The following MED4 variants were observed in gnomAD, a reference collection of about 807,000 sequenced individuals.
MED4 encodes the protein mediator of RNA polymerase II transcription subunit 4.
Under a neutral mutation model 35.0 loss-of-function variants are expected in MED4, and 21 were observed. The observed-to-expected ratio is 0.60, with a 90% CI of 0.43 to 0.86. The LOEUF (loss-of-function observed/expected upper bound fraction) is 0.86, where lower values mean the gene tolerates loss of function less well. MED4 is among the 40% of genes least tolerant of loss of function. The pLI is 0.00. For synonymous variants in MED4, 138 were observed against 114.0 expected, an observed-to-expected ratio of 1.21 and a Z score of -1.34; for missense variants, 300 against 319.4, an observed-to-expected ratio of 0.94 and a Z score of 0.46.
chr13:48,083,037 T>C (rs1411905529), intron 4 of MED4, among the ~76,000 whole-genome samples: 3 of 152,232 alleles, frequency 2.0e-5, no homozygotes, highest in South Asian at 4.1e-4. Context: ...CTCTCTGTCC[T>C]AACCTTCAAG....
At chr13:48,084,774 T>C (rs899879186) in intron 3 of MED4, among the ~76,000 whole-genome samples, 4 of 151,988 alleles carry the variant, frequency 2.6e-5, no homozygotes, top group African/African-American at 9.7e-5. Context: ...TTTTCTGTAT[T>C]TTCTGAATTT....
intron 3 of MED4, among the ~76,000 whole-genome samples, chr13:48,085,695 A>T (rs1950843643): frequency 6.6e-6 from 1 of 152,156 alleles, no homozygotes; most frequent in Non-Finnish European, 1.5e-5. Context: ...CTATCATGTT[A>T]TATTAGTTAG....
chr13:48,087,374 T>C (rs1034038654), intron 2 of MED4, among the ~76,000 whole-genome samples: 1 of 151,718 alleles, frequency 6.6e-6, no homozygotes, highest in African/African-American at 2.4e-5. Flanking sequence ...CAAATATATA[T>C]ATGTATATAT....
intron 2 of MED4, 90 bp from the exon 3 acceptor site, chr13:48,086,542 G>T: frequency 1.7e-6 from 2 of 1,190,650 alleles, no homozygotes; most frequent in Non-Finnish European, 1.2e-6. Context: ...AATTGGCTAG[G>T]CTATAAATTT....
At chr13:48,077,796 G>C (rs994509854) in intron 6 of MED4, among the ~76,000 whole-genome samples, 2 of 151,750 alleles carry the variant, frequency 1.3e-5, no homozygotes, top group Non-Finnish European at 2.9e-5. Context: ...TAGCAACTGG[G>C]GACTTTTTTA....
At chr13:48,088,525 C>T (rs1427584475) in intron 2 of MED4, among the ~76,000 whole-genome samples, 2 of 152,162 alleles carry the variant, frequency 1.3e-5, no homozygotes, top group African/African-American at 4.8e-5. Context: ...GCTAGGTTTC[C>T]ATTTCTATAA....
At chr13:48,094,288 T>C (rs1186057335) in intron 1 of MED4, among the ~76,000 whole-genome samples, 1 of 152,042 alleles carries the variant, frequency 6.6e-6, no homozygotes, top group African/African-American at 2.4e-5. Flanking sequence ...TCCAAGTCAA[T>C]GGGAGGGAGT....
intron 6 of MED4, among the ~76,000 whole-genome samples, chr13:48,079,049 G>T (rs1043690832): frequency 6.6e-6 from 1 of 151,718 alleles, no homozygotes; most frequent in African/African-American, 2.4e-5. Context: ...TAAAAGATGA[G>T]GAATAATATA....
chr13:48,081,769 T>C (rs1950810076), intron 4 of MED4, 38 bp from the exon 5 acceptor site: 3 of 1,294,422 alleles, frequency 2.3e-6, no homozygotes, highest in Non-Finnish European at 3.3e-6. Context: ...ACCTGTAGTC[T>C]AACAAACATA....
chr13:48,086,164 T>A (rs776665958), intron 3 of MED4, 118 bp downstream of exon 3: 31 of 889,686 alleles, frequency 3.5e-5, no homozygotes, highest in Middle Eastern at 6.9e-4. Flanking sequence ...TGACAAGATA[T>A]CACCTTTAGA....
At position 48,086,459 on chromosome 13, in the gene MED4, G is replaced by C. The variant is rs760497210; in HGVS notation, c.193-7C>G. Reference sequence around the variant, plus strand: ...GAATTAACAACTCCAGGACCTGTCAGATAACAGTCAATTAAATCAGACAAT... The same window carrying C: ...GAATTAACAACTCCAGGACCTGTCACATAACAGTCAATTAAATCAGACAAT... On this transcript the variant is annotated splice_polypyrimidine_tract_variant and splice_region_variant and intron_variant, in intron 2 of 6. Coordinates refer to ENST00000258648, the MANE Select transcript of MED4 (RefSeq NM_014166.4). 1.1e-5 allele frequency: 18 copies of C among 1,612,146 alleles called. No homozygotes were observed. The highest frequency in any genetic ancestry group is 1.7e-4 in the Middle Eastern group (1 of 6,054).
At chr13:48,090,251 C>T in intron 2 of MED4, 101 bp downstream of exon 2, 1 of 889,720 alleles carries the variant, frequency 1.1e-6, no homozygotes, top group Non-Finnish European at 1.7e-6. Flanking sequence ...TTCCTGTTCC[C>T]ACACAAAGTA....
At chr13:48,082,221 G>A (rs878979904) in intron 4 of MED4, among the ~76,000 whole-genome samples, 2 of 151,650 alleles carry the variant, frequency 1.3e-5, no homozygotes, top group African/African-American at 4.8e-5. Context: ...TAATATGTAC[G>A]GTATGACCCG....
At chr13:48,080,239 A>G (rs1950794968) in intron 5 of MED4, among the ~76,000 whole-genome samples, 1 of 151,924 alleles carries the variant, frequency 6.6e-6, no homozygotes, top group Non-Finnish European at 1.5e-5. Context: ...TCTACTAAAA[A>G]TAAGAAAATT....
rs147349121 is a variant in MED4, at chr13:48,095,064, C to G, written c.15G>C (p.Ser5=). 223 of 1,604,548 alleles carry G rather than the reference C, an allele frequency of 1.4e-4. 1 individual carries two copies. The African/African-American group carries it at 2.6e-3, about 19-fold the overall frequency. ...GCCGCTCCTTCTCCTTCTCACCACTCGAAGACGCAGCCATTTTCCCCAGAG... is the reference window on the plus strand; with the variant it reads ...GCCGCTCCTTCTCCTTCTCACCACTGGAAGACGCAGCCATTTTCCCCAGAG... MAAS[S]SGEKEKERLG... The change falls in exon 1 of 7, where the codon TCG becomes TCC. Residue 5 remains serine (S), a synonymous_variant. Transcript: ENST00000258648.
intron 2 of MED4, among the ~76,000 whole-genome samples, chr13:48,090,010 C>T (rs1950879744): frequency 2.6e-5 from 4 of 152,144 alleles, no homozygotes; most frequent in Admixed American, 2.6e-4. Flanking sequence ...TGAGCATTAA[C>T]TTTTGATTCT....
At chr13:48,088,451 GTAAAGTA>G (rs1489453748) in intron 2 of MED4, among the ~76,000 whole-genome samples, 2 of 152,106 alleles carry the variant, frequency 1.3e-5, no homozygotes, top group South Asian at 2.1e-4. Context: ...TCTGTAAAAA[GTAAAGTA>G]TATTCTATTT....
chr13:48,084,019 G>A (rs553673130), intron 3 of MED4, among the ~76,000 whole-genome samples: 2 of 152,162 alleles, frequency 1.3e-5, no homozygotes, highest in African/African-American at 4.8e-5. Flanking sequence ...CCAGCATTTT[G>A]GGAGGCCGAG....
Position 48,077,370 on chromosome 13 carries a change from A to G in MED4, c.641-59T>C, listed in dbSNP as rs1950768887. ...TCTATCTGTAATTAATCTAGTTCTT[A>G]CTTTTCCCTTTATGCAACAATTTGA... On this transcript the variant is annotated intron_variant, in intron 6 of 6. Coordinates refer to ENST00000258648, the MANE Select transcript of MED4 (RefSeq NM_014166.4). 6.9e-5 allele frequency: 89 copies of G among 1,298,404 alleles called. 3 individuals carry two copies. In the South Asian group the frequency reaches 1.7e-3, roughly 25 times the overall value. The allele number at this position is 1,298,404 out of a possible 1,614,324, so 80.4% of individuals were successfully genotyped here. A position where few individuals can be genotyped will look rare whatever the true frequency, so the allele number is the denominator to read the frequency against.
Sources: gnomAD v4.1 joint callset for allele counts (sites outside exome capture counted in the v4.1 genomes callset) on GRCh38, gnomAD v4.1.1 for gene constraint, MANE v1.5 for transcripts, NCBI Gene and HGNC (gene_info 2026-07-23, HGNC 2026-07-21) for gene names.